Variants in GRXCR1 observed in about 807,000 individuals in gnomAD.
GRXCR1 encodes glutaredoxin domain-containing cysteine-rich protein 1.
A neutral mutation model predicts 27.3 loss-of-function variants in GRXCR1; 27 were observed. That is an observed-to-expected ratio of 0.99 (90% CI 0.73 to 1.37). The LOEUF is 1.37. Ranked by LOEUF, GRXCR1 falls within the 40% of genes most tolerant of loss-of-function variation. The pLI, the probability that GRXCR1 is intolerant of heterozygous loss-of-function variation, is 0.00. For synonymous variants in GRXCR1, 122 were observed against 131.1 expected (o/e 0.93, Z 0.47); for missense variants, 379 against 354.4 (o/e 1.07, Z -0.56).
chr4:42,901,898 G>A (rs1560642262), intron 1 of GRXCR1, among the ~76,000 whole-genome samples: 1 of 152,144 alleles, frequency 6.6e-6, no homozygotes, highest in Non-Finnish European at 1.5e-5. Flanking sequence ...TAATAAATAT[G>A]GCACAATCAA....
At chr4:42,904,263 T>A (rs1239708135) in intron 1 of GRXCR1, among the ~76,000 whole-genome samples, 1 of 152,188 alleles carries the variant, frequency 6.6e-6, no homozygotes, top group Non-Finnish European at 1.5e-5. Context: ...ATGCCCAACT[T>A]TCGCTCCTTC....
chr4:42,989,574 T>C (rs1711897912), intron 2 of GRXCR1, among the ~76,000 whole-genome samples: 1 of 152,240 alleles, frequency 6.6e-6, no homozygotes, highest in South Asian at 2.1e-4. Flanking sequence ...TGAGCTCCTA[T>C]GAGCTACCTG....
intron 2 of GRXCR1, among the ~76,000 whole-genome samples, chr4:42,987,497 G>A (rs1711810665): frequency 6.6e-6 from 1 of 151,638 alleles, no homozygotes; most frequent in African/African-American, 2.4e-5. Flanking sequence ...TGCCCAGGCT[G>A]GTCTTGAAAT....
intron 2 of GRXCR1, among the ~76,000 whole-genome samples, chr4:42,992,771 A>G (rs1333594157): frequency 6.6e-6 from 1 of 152,152 alleles, no homozygotes; most frequent in African/African-American, 2.4e-5. Context: ...GAGTGATGAT[A>G]AAATTAGCAT....
chr4:43,014,264 T>A (rs1053864089), intron 2 of GRXCR1, among the ~76,000 whole-genome samples: 1 of 151,964 alleles, frequency 6.6e-6, no homozygotes, highest in Non-Finnish European at 1.5e-5. Context: ...CTCAATGGGG[T>A]CTGGTCATGC....
chr4:43,016,299 G>A (rs926340897), intron 2 of GRXCR1, among the ~76,000 whole-genome samples: 1 of 152,082 alleles, frequency 6.6e-6, no homozygotes, highest in Non-Finnish European at 1.5e-5. Context: ...GACTACGAAA[G>A]GACATGTACA....
At chr4:42,996,767 T>C (rs1712174400) in intron 2 of GRXCR1, among the ~76,000 whole-genome samples, 1 of 152,080 alleles carries the variant, frequency 6.6e-6, no homozygotes, top group African/African-American at 2.4e-5. Flanking sequence ...TAAAGGAAGA[T>C]TAAATAACAT....
At position 43,014,628 on chromosome 4, in the gene GRXCR1, T is replaced by G. The variant is rs118003099; in HGVS notation, c.628-5726T>G. 1.7e-4 allele frequency among the ~76,000 whole-genome samples: 26 copies of G among 152,288 alleles called. No homozygotes were observed. In the East Asian group the frequency reaches 5.0e-3, roughly 29 times the overall value. On this transcript the variant is annotated intron_variant, in intron 2 of 3. Coordinates refer to ENST00000399770, the MANE Select transcript of GRXCR1 (RefSeq NM_001080476.3). ...AGAGAAGCGATAGAAGTCATTTATA[T>G]AGTATTCATCCTTCTCAATCCTCTA...
intron 1 of GRXCR1, among the ~76,000 whole-genome samples, chr4:42,962,469 A>G (rs902537826): frequency 5.9e-5 from 9 of 151,976 alleles, no homozygotes; most frequent in Non-Finnish European, 8.8e-5. Flanking sequence ...GGATAAATTG[A>G]TAAGTAGAAG....
intron 1 of GRXCR1, among the ~76,000 whole-genome samples, chr4:42,917,744 C>T (rs1374059042): frequency 1.3e-5 from 2 of 151,930 alleles, no homozygotes; most frequent in African/African-American, 2.4e-5. Flanking sequence ...ACAGGATGAA[C>T]GGGGGCTATT....
chr4:42,937,242 C>T (rs970536715), intron 1 of GRXCR1, among the ~76,000 whole-genome samples: 1 of 150,050 alleles, frequency 6.7e-6, no homozygotes, highest in African/African-American at 2.5e-5. Context: ...GAAATTGGCT[C>T]TTGAGTCCCA....
At chr4:42,910,743 G>T (rs184606098) in intron 1 of GRXCR1, among the ~76,000 whole-genome samples, 1 of 152,070 alleles carries the variant, frequency 6.6e-6, no homozygotes, top group Non-Finnish European at 1.5e-5. Flanking sequence ...CAGTCTTATC[G>T]CTGGACACAC....
At chr4:42,955,560 T>C (rs1046951254) in intron 1 of GRXCR1, among the ~76,000 whole-genome samples, 124 of 152,272 alleles carry the variant, frequency 8.1e-4, no homozygotes, top group African/African-American at 2.6e-3. Flanking sequence ...CTCTGTCTCC[T>C]TGTCAAGGAT....
At chr4:42,998,405 G>A (rs888693639) in intron 2 of GRXCR1, among the ~76,000 whole-genome samples, 1 of 152,160 alleles carries the variant, frequency 6.6e-6, no homozygotes, top group African/African-American at 2.4e-5. Context: ...CCATGCACAT[G>A]TAATTAAGTA....
chr4:42,937,094 G>C (rs1218437364), intron 1 of GRXCR1, among the ~76,000 whole-genome samples: 2 of 151,848 alleles, frequency 1.3e-5, no homozygotes, highest in African/African-American at 4.8e-5. Flanking sequence ...TCTCATGGAA[G>C]ATTTGGCTTA....
chr4:42,977,395 C>A, intron 2 of GRXCR1, among the ~76,000 whole-genome samples: 1 of 151,890 alleles, frequency 6.6e-6, no homozygotes, highest in East Asian at 1.9e-4. Context: ...AATCTTTATA[C>A]CACTTACCAT....
chr4:43,030,481 CTGAAGTGTACGGCTTGCAA>C lies in GRXCR1; in HGVS notation c.819_837del (p.Cys274MetfsTer24). 6.2e-7 allele frequency: 1 copy of C among 1,614,078 alleles called. No individual in the cohort carries two copies. The highest frequency in any genetic ancestry group is 8.5e-7 in the Non-Finnish European group (1 of 1,179,970). ...CTGCTTCACAGACTCTTTCAAAGCC[CTGAAGTGTACGGCTTGCAA>C]TGAAAATGGTCTTCAGCGTTGTAAG... On this transcript the variant is annotated frameshift_variant, in exon 4 of 4. Transcript: ENST00000399770. LOFTEE classifies it high-confidence loss of function.
chr4:42,929,018 T>TA (rs927504030), intron 1 of GRXCR1, among the ~76,000 whole-genome samples: 1 of 151,908 alleles, frequency 6.6e-6, no homozygotes, highest in Admixed American at 6.6e-5. Context: ...ATATAGAAAA[T>TA]AAAAAAATAC....
chr4:42,996,350 C>T (rs1015707949), intron 2 of GRXCR1, among the ~76,000 whole-genome samples: 1 of 152,126 alleles, frequency 6.6e-6, no homozygotes, highest in Non-Finnish European at 1.5e-5. Context: ...ATAGAAATAG[C>T]TTTGGTTACA....
Sources: allele counts gnomAD v4.1 joint callset (sites outside exome capture counted in the v4.1 genomes callset), GRCh38; gene constraint gnomAD v4.1.1; transcripts MANE v1.5; gene names NCBI Gene and HGNC (gene_info 2026-07-23, HGNC 2026-07-21).